Variants in FAM149A observed in about 807,000 individuals in gnomAD.
FAM149A encodes the protein protein FAM149A.
Under a neutral mutation model 78.2 loss-of-function variants are expected in FAM149A, and 71 were observed. That is an observed-to-expected ratio of 0.91 (90% confidence interval 0.75 to 1.11). The LOEUF (loss-of-function observed/expected upper bound fraction) is 1.11, where lower values mean the gene tolerates loss of function less well. Ranked by LOEUF, FAM149A falls within the 50% of genes least tolerant of loss-of-function variation. The probability of loss-of-function intolerance (pLI) is 0.00; values close to 1 mark genes in which losing one functional copy is unlikely to be tolerated. For synonymous variants in FAM149A, 446 were observed against 410.5 expected (o/e 1.09, Z -1.04); for missense variants, 1,036 against 971.0 (o/e 1.07, Z -0.89).
At position 186,154,773 on chromosome 4, in the gene FAM149A, T is replaced by G. The variant is rs1444204203; in HGVS notation, c.1229+135T>G. 7 of 1,427,880 alleles carry G rather than the reference T, an allele frequency of 4.9e-6. No homozygotes were observed. In the South Asian group the frequency reaches 9.3e-5, roughly 19 times the overall value. The allele number at this position is 1,427,880 out of a possible 1,614,324, so 88.5% of individuals were successfully genotyped here. On this transcript the variant is annotated intron_variant, in intron 6 of 13. Coordinates refer to ENST00000389354, the MANE Select transcript of FAM149A (RefSeq NM_001367768.3). ...AAGATTTCTGTTCTTTTGAGAGTAATGTACTCCCCAGAGCTTTTGGATTCC... is the reference window on the plus strand; with the variant it reads ...AAGATTTCTGTTCTTTTGAGAGTAAGGTACTCCCCAGAGCTTTTGGATTCC...
Position 186,165,411 on chromosome 4 carries a change from G to C in FAM149A, c.1957G>C (p.Val653Leu). The change falls in exon 11 of 14, where the codon GTC becomes CTC. Residue 653 changes from valine to leucine, a missense_variant. Transcript: ENST00000389354. Reference sequence around the variant, plus strand: ...GTCACGGAGCAGGTTCCCCCCGCTAGTCACGGAGACCAGGGGGCAGAATAC... The same window carrying C: ...GTCACGGAGCAGGTTCCCCCCGCTACTCACGGAGACCAGGGGGCAGAATAC... 1.2e-6 allele frequency: 2 copies of C among 1,614,176 alleles called. No homozygotes were observed. Among genetic ancestry groups the C allele is most frequent in the Non-Finnish European group, 1.7e-6 (2 of 1,179,986 alleles).
intron 1 of FAM149A, among the ~76,000 whole-genome samples, chr4:186,137,884 T>A (rs1028486981): frequency 3.3e-5 from 5 of 151,820 alleles, no homozygotes; most frequent in Admixed American, 2.6e-4. Context: ...TTTTCTATAA[T>A]TTTATATAAG....
intron 1 of FAM149A, among the ~76,000 whole-genome samples, chr4:186,141,572 A>G (rs1042985456): frequency 3.3e-5 from 5 of 152,234 alleles, no homozygotes; most frequent in African/African-American, 1.2e-4. Context: ...AATTTGAGAG[A>G]AGAGACAAAT....
chr4:186,149,659 C>T lies in FAM149A; in HGVS notation c.744C>T (p.Thr248=), dbSNP rs1378689592. 8.5e-6 allele frequency: 11 copies of T among 1,289,692 alleles called. No homozygotes were observed. Among genetic ancestry groups the T allele is most frequent in the Middle Eastern group, 2.1e-4 (1 of 4,718 alleles). 79.9% of individuals were successfully genotyped at this position (1,289,692 alleles called of 1,614,324 possible). Residue 248 remains threonine, a synonymous_variant, in exon 3 of 14, where the codon ACC becomes ACT. Coordinates refer to ENST00000389354, the MANE Select transcript of FAM149A (RefSeq NM_001367768.3). ...GGTCGGCCACACAGAGCTCTACCACCGGCTCATCCACGGAGAGGGGCTCCG... is the reference window on the plus strand; with the variant it reads ...GGTCGGCCACACAGAGCTCTACCACTGGCTCATCCACGGAGAGGGGCTCCG...
chr4:186,164,051 A>G lies in FAM149A; in HGVS notation c.1889+418A>G, dbSNP rs966753636. Among the ~76,000 whole-genome samples the G allele has an allele frequency of 4.6e-5, 7 of 152,200 alleles. No individual in the cohort carries two copies. The highest frequency in any genetic ancestry group is 1.3e-4 in the Admixed American group (2 of 15,284). ...TATCTTTAAGGATGCATTTTTCTCT[A>G]TGTGGGAGTTTCAGCAAAGCTGTTG... On this transcript the variant is annotated intron_variant, in intron 10 of 13. Coordinates refer to ENST00000389354, the MANE Select transcript of FAM149A (RefSeq NM_001367768.3). This position sits in a 1 kb window ranked among gnomAD's most constrained non-coding sequence, Gnocchi z 4.0.
At chr4:186,150,801 A>C (rs1178811790) in intron 3 of FAM149A, 2 of 151,470 alleles carry the variant, frequency 1.3e-5, no homozygotes, top group Non-Finnish European at 2.9e-5. Context: ...GGCTCACTGC[A>C]ACCTCCGCCT....
chr4:186,168,786 C>T lies in FAM149A; in HGVS notation c.2218+1524C>T, dbSNP rs117463047. On this transcript the variant is annotated intron_variant, in intron 13 of 13. Transcript: ENST00000389354. ...TCTATGCCAAAGGCTGGGATTCAAA[C>T]AGCAGGGGTGTTTCCGTCTGTGCCT... is the stretch of plus-strand genomic sequence containing the variant. Among the ~76,000 whole-genome samples the T allele has an allele frequency of 1.7e-3, 255 of 152,314 alleles. 6 individuals are homozygous for T. The East Asian group carries it at 0.039, about 23-fold the overall frequency.
intron 1 of FAM149A, among the ~76,000 whole-genome samples, chr4:186,112,148 C>G (rs1579765428): frequency 6.9e-6 from 1 of 144,148 alleles, no homozygotes. Context: ...ATTTTATTCT[C>G]TTTGAAGCAA....
In FAM149A at chr4:186,173,474, T is replaced by C. The variant is rs1248056247; in HGVS notation, c.*1487T>C. Among the ~76,000 whole-genome samples the C allele has an allele frequency of 1.8e-5, 2 of 111,788 alleles. 1 individual carries two copies. The highest frequency in any genetic ancestry group is 4.5e-5 in the Non-Finnish European group (2 of 44,298). The allele number at this position is 111,788 out of a possible 152,430, so 73.3% of individuals were successfully genotyped here. A position where few individuals can be genotyped will look rare whatever the true frequency, so the allele number is the denominator to read the frequency against. On this transcript the variant is annotated 3_prime_UTR_variant, in exon 14 of 14. Coordinates refer to ENST00000389354, the MANE Select transcript of FAM149A (RefSeq NM_001367768.3). ...CTCAAGCGATTCTCCTGCTTCAGCC[T>C]CCTGGGTAGCTAGGATTACAGGTGC... is the stretch of plus-strand genomic sequence containing the variant.
intron 6 of FAM149A, 105 bp from the exon 7 acceptor site, chr4:186,155,895 T>G: frequency 1.3e-6 from 1 of 778,686 alleles, no homozygotes; most frequent in Non-Finnish European, 1.9e-6. Context: ...ACAAAGAATG[T>G]TTATTAATAT....
chr4:186,117,840 A>G (rs930940477), intron 1 of FAM149A: 3 of 913,810 alleles, frequency 3.3e-6, no homozygotes, highest in African/African-American at 3.6e-5. Flanking sequence ...GAATGAACAC[A>G]GTGAAAAGAA....
chr4:186,125,945 G>T (rs2099318159), intron 1 of FAM149A: 1 of 985,248 alleles, frequency 1.0e-6, no homozygotes, highest in East Asian at 1.1e-4. Context: ...CGAGGTAACA[G>T]CCTGTTCTCC....
chr4:186,111,743 C>G (rs1284213502), intron 1 of FAM149A, among the ~76,000 whole-genome samples: 2 of 151,356 alleles, frequency 1.3e-5, no homozygotes, highest in Non-Finnish European at 2.9e-5. Context: ...CTGTTCTGTT[C>G]CATTGATCTA....
intron 1 of FAM149A, chr4:186,124,114 G>A (rs192210174): frequency 1.0e-6 from 1 of 984,882 alleles, no homozygotes; most frequent in South Asian, 4.7e-5. Flanking sequence ...GGTCAGAAAA[G>A]GATGGACTTA....
chr4:186,110,366 G>A (rs1375918183), intron 1 of FAM149A: 9 of 962,902 alleles, frequency 9.3e-6, no homozygotes, highest in African/African-American at 1.8e-5. Context: ...GTGGCTCAGT[G>A]TACAATTGTC....
chr4:186,127,987 CT>C (rs61637634), intron 1 of FAM149A, among the ~76,000 whole-genome samples: 11 of 62,400 alleles, frequency 1.8e-4, no homozygotes, highest in African/African-American at 6.9e-4. Context: ...CATGCCCGGC[CT>C]TTTTTTTTTT....
chr4:186,105,376 C>A lies in FAM149A; in HGVS notation c.300C>A (p.Ser100Arg), dbSNP rs1433818429. The A allele has an allele frequency of 8.4e-7, 1 of 1,185,504 alleles. No individual in the cohort carries two copies. Among genetic ancestry groups the A allele is most frequent in the Non-Finnish European group, 1.1e-6 (1 of 946,134 alleles). The allele number at this position is 1,185,504 out of a possible 1,614,324, so 73.4% of individuals were successfully genotyped here. A position where few individuals can be genotyped will look rare whatever the true frequency, so the allele number is the denominator to read the frequency against. Residue 100 changes from serine (S) to arginine (R), a missense_variant, in exon 1 of 14, where the codon AGC (serine) becomes AGA (arginine). This residue lies in a region of FAM149A where 316 missense variants were observed against 241.9 expected (regional missense o/e 1.31). Coordinates refer to ENST00000389354, the MANE Select transcript of FAM149A (RefSeq NM_001367768.3). Reference sequence around the variant, plus strand: ...GGACCCTGCTCTCTTGGCCCAGTAGCCCTAGAGCGGGTAAAGCCCCGCCCC... The same window carrying A: ...GGACCCTGCTCTCTTGGCCCAGTAGACCTAGAGCGGGTAAAGCCCCGCCCC...
At chr4:186,119,452 G>A (rs1352645465) in intron 1 of FAM149A, among the ~76,000 whole-genome samples, 1 of 152,150 alleles carries the variant, frequency 6.6e-6, no homozygotes, top group Non-Finnish European at 1.5e-5. Context: ...AGAAGCAGAT[G>A]GTCTTTGGCA....
At chr4:186,143,130 A>T (rs1732648262) in intron 1 of FAM149A, among the ~76,000 whole-genome samples, 1 of 146,450 alleles carries the variant, frequency 6.8e-6, no homozygotes, top group South Asian at 2.2e-4. Context: ...ATCTTAAATG[A>T]CTTTGTGTTC....
Sources: allele counts gnomAD v4.1 joint callset (sites outside exome capture counted in the v4.1 genomes callset), GRCh38; gene constraint gnomAD v4.1.1; regional missense constraint gnomAD v4.1.1; non-coding constraint Gnocchi (gnomAD v3.1); transcripts MANE v1.5; gene names NCBI Gene and HGNC (gene_info 2026-07-23, HGNC 2026-07-21).